The following SPATA17 variants were observed in gnomAD, a reference collection of about 807,000 sequenced individuals.
SPATA17 encodes spermatogenesis associated 17.
Under a neutral mutation model 62.2 loss-of-function variants are expected in SPATA17, and 53 were observed. The ratio of observed to expected loss-of-function variants is 0.85; its 90% confidence interval spans 0.68 to 1.07. SPATA17 has a LOEUF of 1.07. Ranked by LOEUF, SPATA17 falls within the 50% of genes least tolerant of loss-of-function variation. SPATA17 has a pLI of 0.00. For synonymous variants in SPATA17, 146 were observed against 146.8 expected (o/e 0.99, Z 0.04); for missense variants, 466 against 425.5 (o/e 1.10, Z -0.84).
intron 1 of SPATA17, among the ~76,000 whole-genome samples, chr1:217,638,002 A>T (rs1299280258): frequency 6.6e-6 from 1 of 152,186 alleles, no homozygotes; most frequent in East Asian, 1.9e-4. Flanking sequence ...TTAAATGATC[A>T]TCTGGTATAT....
chr1:217,842,635 T>C (rs374960152), intron 9 of SPATA17, among the ~76,000 whole-genome samples: 1 of 152,006 alleles, frequency 6.6e-6, no homozygotes, highest in Non-Finnish European at 1.5e-5. Flanking sequence ...GATGTCACCT[T>C]TTTATTCATG....
chr1:217,728,373 T>C (rs1239114369), intron 5 of SPATA17, among the ~76,000 whole-genome samples: 1 of 152,170 alleles, frequency 6.6e-6, no homozygotes, highest in Non-Finnish European at 1.5e-5. Flanking sequence ...TACCTGTTTC[T>C]TAATTGTTAT....
intron 9 of SPATA17, among the ~76,000 whole-genome samples, chr1:217,810,420 G>A (rs558414823): frequency 2.0e-5 from 3 of 152,088 alleles, no homozygotes; most frequent in African/African-American, 7.2e-5. Context: ...TCAGGAGTTC[G>A]AGACCAGCCT....
At chr1:217,637,643 AATT>A (rs1440202427) in intron 1 of SPATA17, among the ~76,000 whole-genome samples, 2 of 152,150 alleles carry the variant, frequency 1.3e-5, no homozygotes, top group Middle Eastern at 6.3e-3. Flanking sequence ...TTAGTCTAAT[AATT>A]TTGTTCAGTG....
chr1:217,767,015 C>A (rs970168822), intron 6 of SPATA17, among the ~76,000 whole-genome samples: 1 of 152,076 alleles, frequency 6.6e-6, no homozygotes, highest in Admixed American at 6.5e-5. Flanking sequence ...TTTTCATTCT[C>A]TCTGAAAACT....
At chr1:217,859,358 C>T (rs1675852346) in intron 9 of SPATA17, among the ~76,000 whole-genome samples, 1 of 149,798 alleles carries the variant, frequency 6.7e-6, no homozygotes, top group Non-Finnish European at 1.5e-5. Flanking sequence ...TATATAATTT[C>T]TATAGGTTTA....
intron 6 of SPATA17, among the ~76,000 whole-genome samples, chr1:217,748,607 TG>T (rs896125224): frequency 6.6e-6 from 1 of 151,370 alleles, no homozygotes; most frequent in African/African-American, 2.4e-5. Context: ...TAGTTGGATG[TG>T]GTGGCGGGCG....
chr1:217,804,900 G>A (rs1323205699), intron 9 of SPATA17, among the ~76,000 whole-genome samples: 1 of 152,162 alleles, frequency 6.6e-6, no homozygotes, highest in South Asian at 2.1e-4. Flanking sequence ...GTATTGGCAA[G>A]GATGTGGAGA....
intron 9 of SPATA17, among the ~76,000 whole-genome samples, chr1:217,816,741 T>A (rs1387684516): frequency 2.0e-5 from 3 of 152,088 alleles, no homozygotes; most frequent in Non-Finnish European, 4.4e-5. Context: ...TATTAAATAA[T>A]TTCTTAGTAT....
chr1:217,796,804 G>T (rs1674162308), intron 8 of SPATA17, among the ~76,000 whole-genome samples: 1 of 152,114 alleles, frequency 6.6e-6, no homozygotes, highest in South Asian at 2.1e-4. Context: ...TATATATTAG[G>T]TTTACCTGGA....
At chr1:217,766,036 T>C (rs1673292519) in intron 6 of SPATA17, among the ~76,000 whole-genome samples, 1 of 151,986 alleles carries the variant, frequency 6.6e-6, no homozygotes, top group Non-Finnish European at 1.5e-5. Flanking sequence ...TTACTTTTAA[T>C]CTATATGCAT....
In SPATA17 at chr1:217,812,148, T is replaced by G. The variant is rs550443823; in HGVS notation, c.1005+10298T>G. On this transcript the variant is annotated intron_variant, in intron 9 of 10. Coordinates refer to ENST00000366933, the MANE Select transcript of SPATA17 (RefSeq NM_138796.4). ...TTTAAGATTGTCTATGTAGAAATCT[T>G]TCATTCACTTATATTATTTTTAAAC... Among the ~76,000 whole-genome samples, 62 of 152,314 alleles carry G rather than the reference T, an allele frequency of 4.1e-4. 3 individuals are homozygous for G. In the South Asian group the frequency reaches 0.012, roughly 31 times the overall value.
intron 5 of SPATA17, among the ~76,000 whole-genome samples, chr1:217,698,624 A>G (rs573610554): frequency 2.0e-5 from 3 of 152,140 alleles, no homozygotes; most frequent in African/African-American, 7.2e-5. Flanking sequence ...CTCAATACCA[A>G]CATCTTGCAG....
intron 5 of SPATA17, among the ~76,000 whole-genome samples, chr1:217,696,324 T>C (rs966356349): frequency 6.6e-6 from 1 of 152,308 alleles, no homozygotes; most frequent in African/African-American, 2.4e-5. Flanking sequence ...GCTTCCCAGG[T>C]GAGGCAATGC....
At chr1:217,856,479 A>G (rs1451082018) in intron 9 of SPATA17, among the ~76,000 whole-genome samples, 1 of 152,192 alleles carries the variant, frequency 6.6e-6, no homozygotes, top group East Asian at 1.9e-4. Context: ...AAGTAATAAG[A>G]AAGTTTTCAC....
At chr1:217,719,976 T>A (rs187982560) in intron 5 of SPATA17, among the ~76,000 whole-genome samples, 88 of 152,314 alleles carry the variant, frequency 5.8e-4, no homozygotes, top group African/African-American at 2.1e-3. Context: ...AGCAAGGACC[T>A]ACCTTTGTTG....
chr1:217,756,252 A>G (rs1673039349), intron 6 of SPATA17, among the ~76,000 whole-genome samples: 1 of 152,214 alleles, frequency 6.6e-6, no homozygotes, highest in African/African-American at 2.4e-5. Flanking sequence ...TAAGTAAAAC[A>G]AAATTATTTT....
At chr1:217,679,172 C>T (rs1375680555) in intron 4 of SPATA17, among the ~76,000 whole-genome samples, 1 of 151,932 alleles carries the variant, frequency 6.6e-6, no homozygotes, top group Non-Finnish European at 1.5e-5. Flanking sequence ...TAAGAAAATA[C>T]CATATTTTAA....
chr1:217,786,841 C>G lies in SPATA17; in HGVS notation c.872+4519C>G, dbSNP rs1333568965. Among the ~76,000 whole-genome samples, 17 of 133,900 alleles carry G rather than the reference C, an allele frequency of 1.3e-4. No homozygotes were observed. In the Admixed American group the frequency reaches 1.4e-3, roughly 11 times the overall value. The allele number at this position is 133,900 out of a possible 152,430, so 87.8% of individuals were successfully genotyped here. On this transcript the variant is annotated intron_variant, in intron 8 of 10. Transcript: ENST00000366933. Reference sequence around the variant, plus strand: ...CTGTATAATCTTTGAATGGATGCTTCTACTTGAAAGATTTTAACTACCACC... The same window carrying G: ...CTGTATAATCTTTGAATGGATGCTTGTACTTGAAAGATTTTAACTACCACC...
Sources: gnomAD v4.1 joint callset for allele counts (sites outside exome capture counted in the v4.1 genomes callset) on GRCh38, gnomAD v4.1.1 for gene constraint, MANE v1.5 for transcripts, NCBI Gene and HGNC (gene_info 2026-07-23, HGNC 2026-07-21) for gene names.